The following DOK6 variants were observed in gnomAD, a reference collection of about 807,000 sequenced individuals.
DOK6 encodes the protein downstream of tyrosine kinase 6.
Under a neutral mutation model 44.0 loss-of-function variants are expected in DOK6, and 22 were observed. The observed-to-expected ratio is 0.50, with a 90% CI of 0.36 to 0.71. DOK6 has a LOEUF of 0.71. Ranked by LOEUF, DOK6 falls within the 30% of genes least tolerant of loss-of-function variation. The pLI is 0.00. For synonymous variants in DOK6, 166 were observed against 145.5 expected (o/e 1.14, Z -1.01); for missense variants, 340 against 416.4 (o/e 0.82, Z 1.60).
At chr18:69,724,271 A>G (rs1198216754) in intron 5 of DOK6, among the ~76,000 whole-genome samples, 3 of 152,240 alleles carry the variant, frequency 2.0e-5, no homozygotes, top group Non-Finnish European at 2.9e-5. Flanking sequence ...TGGAGTTTCT[A>G]TAATTCATCC....
chr18:69,455,932 C>G (rs12606543), intron 1 of DOK6, among the ~76,000 whole-genome samples: 34,333 of 149,072 alleles, frequency 0.23, 4,154 homozygotes, highest in Middle Eastern at 0.39. Flanking sequence ...AATGCCAATT[C>G]TCTAAAGAGA....
At chr18:69,424,172 T>G (rs146397994) in intron 1 of DOK6, among the ~76,000 whole-genome samples, 1 of 152,200 alleles carries the variant, frequency 6.6e-6, no homozygotes, top group African/African-American at 2.4e-5. Context: ...TTAGGTTATA[T>G]GCTTAGAGGT....
intron 3 of DOK6, among the ~76,000 whole-genome samples, chr18:69,667,314 A>G (rs1297039989): frequency 6.6e-6 from 1 of 152,182 alleles, no homozygotes; most frequent in Non-Finnish European, 1.5e-5. Flanking sequence ...AAAAAATTAC[A>G]AAATAAATAA....
intron 1 of DOK6, among the ~76,000 whole-genome samples, chr18:69,528,218 G>A (rs1001556573): frequency 6.0e-5 from 9 of 150,208 alleles, no homozygotes; most frequent in Admixed American, 2.0e-4. Context: ...GATGCATAGC[G>A]TTGCATAAAG....
chr18:69,506,904 T>C (rs912094907), intron 1 of DOK6, among the ~76,000 whole-genome samples: 3 of 151,758 alleles, frequency 2.0e-5, no homozygotes, highest in Admixed American at 1.3e-4. Flanking sequence ...TGTACATATA[T>C]ACACACACAC....
chr18:69,752,381 G>A (rs1979212878), intron 6 of DOK6, among the ~76,000 whole-genome samples: 1 of 152,122 alleles, frequency 6.6e-6, no homozygotes, highest in Non-Finnish European at 1.5e-5. Flanking sequence ...ATCAGCTAAA[G>A]TCCCTAGATG....
At chr18:69,782,273 G>A (rs984808911) in intron 7 of DOK6, among the ~76,000 whole-genome samples, 2 of 147,778 alleles carry the variant, frequency 1.4e-5, no homozygotes, top group Non-Finnish European at 3.0e-5. Context: ...GTGCAGCGGC[G>A]AGATCTCAGC....
At chr18:69,587,273 G>A (rs1050575406) in intron 2 of DOK6, among the ~76,000 whole-genome samples, 2 of 152,136 alleles carry the variant, frequency 1.3e-5, no homozygotes, top group East Asian at 3.9e-4. Context: ...AAGCTTCCAA[G>A]GGGGTCTCCT....
chr18:69,727,155 G>C (rs80181858), intron 5 of DOK6, among the ~76,000 whole-genome samples: 182 of 152,218 alleles, frequency 1.2e-3, no homozygotes, highest in East Asian at 8.5e-3. Flanking sequence ...CACTGCACCA[G>C]GCCTAGGTCT....
chr18:69,501,878 C>G (rs1310173394), intron 1 of DOK6, among the ~76,000 whole-genome samples: 1 of 151,870 alleles, frequency 6.6e-6, no homozygotes, highest in Non-Finnish European at 1.5e-5. Context: ...GCAAAAAATA[C>G]AGAACATAGC....
rs1984172198 is a variant in DOK6 at position 69,612,435 on chromosome 18, G to GTGCGAGGGCGCATGTA, written c.289+12952_289+12953insATGCGAGGGCGCATGT. Among the ~76,000 whole-genome samples the GTGCGAGGGCGCATGTA allele has an allele frequency of 1.4e-5, 2 of 147,270 alleles. 1 individual carries two copies. Among genetic ancestry groups the GTGCGAGGGCGCATGTA allele is most frequent in the African/African-American group, 4.9e-5 (2 of 40,760 alleles). On this transcript the variant is annotated intron_variant, in intron 3 of 7. Transcript: ENST00000382713. ...GGCGCATGTGTGCGAGGGCGCATGTGTGCGAGGGCGCATGTGTGCGAGCGT... is the reference window on the plus strand; with the variant it reads ...GGCGCATGTGTGCGAGGGCGCATGTGTGCGAGGGCGCATGTATGCGAGGGCGCATGTGTGCGAGCGT...
chr18:69,740,055 T>C (rs1978748621), intron 6 of DOK6, among the ~76,000 whole-genome samples: 1 of 152,208 alleles, frequency 6.6e-6, no homozygotes, highest in Non-Finnish European at 1.5e-5. Flanking sequence ...TTCTCAATAC[T>C]ATATTTCTCT....
intron 5 of DOK6, among the ~76,000 whole-genome samples, chr18:69,728,787 A>C (rs180938516): frequency 2.6e-5 from 4 of 152,352 alleles, no homozygotes; most frequent in African/African-American, 7.2e-5. Context: ...CAGAGAGTGA[A>C]AGTCTACCTG....
At chr18:69,774,133 G>GATATATATAT (rs111360276) in intron 7 of DOK6, among the ~76,000 whole-genome samples, 2,542 of 66,864 alleles carry the variant, frequency 0.038, 220 homozygotes, top group Non-Finnish European at 0.057. Flanking sequence ...ATATATATGA[G>GATATATATAT]ATATATATAT....
intron 1 of DOK6, among the ~76,000 whole-genome samples, chr18:69,530,511 AG>A (rs1981955882): frequency 6.6e-6 from 1 of 152,152 alleles, no homozygotes; most frequent in Non-Finnish European, 1.5e-5. Flanking sequence ...AAGAAAGATG[AG>A]AAGTACCAAA....
At chr18:69,494,391 G>T (rs887046406) in intron 1 of DOK6, among the ~76,000 whole-genome samples, 1 of 152,102 alleles carries the variant, frequency 6.6e-6, no homozygotes, top group Non-Finnish European at 1.5e-5. Flanking sequence ...CACAAGAATT[G>T]CTTGAACCCA....
At chr18:69,665,671 T>C (rs1985638299) in intron 3 of DOK6, among the ~76,000 whole-genome samples, 1 of 152,226 alleles carries the variant, frequency 6.6e-6, no homozygotes, top group Non-Finnish European at 1.5e-5. Flanking sequence ...ATTTATAAGC[T>C]CCAAAAGCGA....
rs377005669 is a variant in DOK6, at chr18:69,440,454, T to G, written c.66+39144T>G. On this transcript the variant is annotated intron_variant, in intron 1 of 7. Coordinates refer to ENST00000382713, the MANE Select transcript of DOK6 (RefSeq NM_152721.6). ...GCAATATCTGCAAAACACAATAAAT[T>G]TAAGTACAATGAAACAAGTTATGTC... 5.9e-5 allele frequency among the ~76,000 whole-genome samples: 9 copies of G among 152,236 alleles called. No individual in the cohort carries two copies. The South Asian group carries it at 8.3e-4, about 14-fold the overall frequency.
chr18:69,409,679 A>T (rs147713692), intron 1 of DOK6, among the ~76,000 whole-genome samples: 1 of 152,136 alleles, frequency 6.6e-6, no homozygotes, highest in African/African-American at 2.4e-5. Flanking sequence ...AATAGATGCA[A>T]TATTTGTCTA....
Sources: gnomAD v4.1 joint callset for allele counts (sites outside exome capture counted in the v4.1 genomes callset) on GRCh38, gnomAD v4.1.1 for gene constraint, MANE v1.5 for transcripts, NCBI Gene and HGNC (gene_info 2026-07-23, HGNC 2026-07-21) for gene names.